The following PDCL variants were observed in gnomAD, a reference collection of about 807,000 sequenced individuals.
PDCL encodes phosducin-like protein.
Under a neutral mutation model 26.7 loss-of-function variants are expected in PDCL, and 11 were observed. That is an observed-to-expected ratio of 0.41 (90% CI 0.26 to 0.68). PDCL has a LOEUF of 0.68. Among genes scored for constraint, PDCL ranks in the 30% least tolerant of loss-of-function variants. The pLI is 0.30. For synonymous variants in PDCL, 118 were observed against 134.9 expected (o/e 0.87, Z 0.87); for missense variants, 330 against 371.6 (o/e 0.89, Z 0.92).
At chr9:122,821,824 G>GCCCCGGTGCAGCAAGACATCCTCGCTC (rs1829557278) in intron 3 of PDCL, among the ~76,000 whole-genome samples, 1 of 151,974 alleles carries the variant, frequency 6.6e-6, no homozygotes, top group South Asian at 2.1e-4. Flanking sequence ...TCTTACCCCT[G>GCCCCGGTGCAGCAAGACATCCTCGCTC]CCCCGGTGCA....
intron 3 of PDCL, among the ~76,000 whole-genome samples, chr9:122,821,413 AAC>A (rs148493349): frequency 1.2e-4 from 18 of 150,268 alleles, no homozygotes; most frequent in South Asian, 4.2e-4. Context: ...ACCATCCCCA[AAC>A]ACACACACAC....
chr9:122,826,485 T>C (rs924154994), intron 2 of PDCL, 131 bp downstream of exon 2: 1 of 712,708 alleles, frequency 1.4e-6, no homozygotes, highest in Non-Finnish European at 2.1e-6. Flanking sequence ...ATGAAAAGAC[T>C]AGGTTACCTC....
rs1408638267 is a variant in PDCL at position 122,821,334 on chromosome 9, T to A, written c.355-698A>T. Among the ~76,000 whole-genome samples the A allele has an allele frequency of 2.0e-5, 3 of 151,234 alleles. No individual in the cohort carries two copies. In the East Asian group the frequency reaches 5.9e-4, roughly 30 times the overall value. The stretch of plus-strand genomic sequence containing the variant: ...TTGTCAGTCTTGACAATATTTTATC[T>A]ACTTTTTTTTTGAAAGATAACAAGA... On this transcript the variant is annotated intron_variant, in intron 3 of 3. Coordinates refer to ENST00000259467, the MANE Select transcript of PDCL (RefSeq NM_005388.5).
intron 3 of PDCL, among the ~76,000 whole-genome samples, chr9:122,822,641 T>C (rs1336429374): frequency 6.6e-6 from 1 of 152,122 alleles, no homozygotes; most frequent in African/African-American, 2.4e-5. Context: ...AAGGGGATAA[T>C]ACCACCACCC....
chr9:122,821,700 A>G (rs1829555866), intron 3 of PDCL, among the ~76,000 whole-genome samples: 1 of 152,032 alleles, frequency 6.6e-6, no homozygotes, highest in Non-Finnish European at 1.5e-5. Context: ...CTCTCACAAG[A>G]CTGATCCATG....
At chr9:122,823,357 T>C (rs1706109713) in intron 2 of PDCL, among the ~76,000 whole-genome samples, 160 bp from the exon 3 acceptor site, 1 of 152,190 alleles carries the variant, frequency 6.6e-6, no homozygotes, top group South Asian at 2.1e-4. Flanking sequence ...CAGAGTGGCC[T>C]ATACACAATG....
chr9:122,820,684 G>C, intron 3 of PDCL, 48 bp from the exon 4 acceptor site: 1 of 1,504,140 alleles, frequency 6.6e-7, no homozygotes, highest in South Asian at 1.3e-5. Context: ...CTGAACACTC[G>C]TGATAACAGT....
chr9:122,820,479 A>G lies in PDCL; in HGVS notation c.512T>C (p.Leu171Ser). 1 of 1,614,124 alleles carries G rather than the reference A, an allele frequency of 6.2e-7. No individual in the cohort carries two copies. The highest frequency in any genetic ancestry group is 8.5e-7 in the Non-Finnish European group (1 of 1,180,010). The change falls in exon 4 of 4, where the codon TTA becomes TCA. Residue 171 changes from leucine (L) to serine (S), a missense_variant. Physicochemically the swap from Leu to Ser is moderately radical, Grantham distance 145 (BLOSUM62 -2). Transcript: ENST00000259467. ...VFEISSGEGF[L>S]DMIDKEQKSI... is the part of the protein sequence containing the mutation. ...TTTCTGTTCTTTATCAATCATGTCT[A>G]AAAACCCTTCTCCACTGGAGATCTC...
Position 122,820,277 on chromosome 9 carries a change from G to C in PDCL, c.714C>G (p.Ile238Met), listed in dbSNP as rs1318865638. Residue 238 changes from isoleucine to methionine, a missense_variant, in exon 4 of 4, where the codon ATC becomes ATG. Transcript: ENST00000259467. ...FTRNALPALLIYKGGELIGNF... is the reference protein window; with the variant it reads ...FTRNALPALLMYKGGELIGNF... ...TGCCGATCAATTCACCCCCCTTATA[G>C]ATCAGCAGGGCAGGAAGGGCATTCC... 1.9e-5 allele frequency: 31 copies of C among 1,614,048 alleles called. No individual in the cohort carries two copies. The highest frequency in any genetic ancestry group is 2.4e-5 in the Non-Finnish European group (28 of 1,180,052).
chr9:122,819,174 G>A lies in PDCL; in HGVS notation c.*911C>T, dbSNP rs1829522567. The A allele has an allele frequency of 6.6e-6, 1 of 151,282 alleles. No homozygotes were observed. The allele number at this position is 151,282 out of a possible 1,614,324, so 9.4% of individuals were successfully genotyped here. A position where few individuals can be genotyped will look rare whatever the true frequency, so the allele number is the denominator to read the frequency against. On this transcript the variant is annotated 3_prime_UTR_variant, in exon 4 of 4. Transcript: ENST00000259467. ...CAGGAAACAGACCAAAATATTAATA[G>A]TGTTTTATTCTAGGTAGTAGGATTA... is the stretch of plus-strand genomic sequence containing the variant.
At chr9:122,826,911 T>C (rs1564269988) in intron 1 of PDCL, 119 bp from the exon 2 acceptor site, 1 of 871,478 alleles carries the variant, frequency 1.1e-6, no homozygotes, top group Non-Finnish European at 1.8e-6. Context: ...AAAGTGATTA[T>C]TTTCATAACC....
chr9:122,826,098 C>CA (rs991136281), intron 2 of PDCL, among the ~76,000 whole-genome samples: 9 of 151,604 alleles, frequency 5.9e-5, no homozygotes, highest in Admixed American at 2.0e-4. Context: ...TCTTAAAAAA[C>CA]AAAAAAACAA....
chr9:122,822,978 C>G (rs1238111309), intron 3 of PDCL, 38 bp downstream of exon 3: 4 of 1,573,170 alleles, frequency 2.5e-6, no homozygotes, highest in Admixed American at 3.3e-5. Flanking sequence ...CTAGCAGCCA[C>G]AGCAGACTCT....
chr9:122,824,403 G>T (rs1051689369), intron 2 of PDCL, among the ~76,000 whole-genome samples: 1 of 152,130 alleles, frequency 6.6e-6, no homozygotes, highest in African/African-American at 2.4e-5. Flanking sequence ...CATGAAAACG[G>T]TGTGTCCTAA....
intron 2 of PDCL, 83 bp downstream of exon 2, chr9:122,826,529 GAATT>G (rs1829630493): frequency 1.8e-6 from 2 of 1,140,128 alleles, no homozygotes; most frequent in Non-Finnish European, 2.4e-6. Context: ...GTGATCAGGA[GAATT>G]AATTTATTAA....
Position 122,823,115 on chromosome 9 carries a change from T to C in PDCL, c.255A>G (p.Glu85=), listed in dbSNP as rs200365838. The C allele has an allele frequency of 1.1e-5, 17 of 1,614,156 alleles. No individual in the cohort carries two copies. In the East Asian group the frequency reaches 3.8e-4, roughly 36 times the overall value. ...EQREEQCREM[E]RLIKKLSMTC... ...TCATTGACAGCTTCTTGATCAGCCT[T>C]TCCATCTCCCGGCACTGCTCCTCCC... The change falls in exon 3 of 4, where the codon GAA becomes GAG. Residue 85 remains glutamate (E), a synonymous_variant. Transcript: ENST00000259467.
At chr9:122,824,657 A>C (rs1272046949) in intron 2 of PDCL, among the ~76,000 whole-genome samples, 1 of 152,270 alleles carries the variant, frequency 6.6e-6, no homozygotes, top group Non-Finnish European at 1.5e-5. Flanking sequence ...AAAGACTTGA[A>C]TAAATGGAAA....
At chr9:122,823,260 AT>A in intron 2 of PDCL, 63 bp from the exon 3 acceptor site, 2 of 1,516,126 alleles carry the variant, frequency 1.3e-6, no homozygotes, top group East Asian at 4.5e-5. Flanking sequence ...ACCAGCTGAC[AT>A]CTGTAGGTAG....
intron 1 of PDCL, among the ~76,000 whole-genome samples, chr9:122,827,757 A>G (rs1321089619): frequency 6.6e-6 from 1 of 152,102 alleles, no homozygotes; most frequent in Non-Finnish European, 1.5e-5. Context: ...CTAAAAATAT[A>G]AAGGACCAGG....
Sources: gnomAD v4.1 joint callset for allele counts (sites outside exome capture counted in the v4.1 genomes callset) on GRCh38, gnomAD v4.1.1 for gene constraint, MANE v1.5 for transcripts, NCBI Gene and HGNC (gene_info 2026-07-23, HGNC 2026-07-21) for gene names.